The following LAMA2 variants were observed in gnomAD, a reference collection of about 807,000 sequenced individuals.
The protein encoded by LAMA2 is laminin subunit alpha 2, also known as laminin subunit alpha-2.
In LAMA2, 269 loss-of-function variants were observed where a neutral mutation model predicts 364.8. The ratio of observed to expected loss-of-function variants is 0.74; its 90% confidence interval spans 0.67 to 0.82. The LOEUF (loss-of-function observed/expected upper bound fraction) is 0.82, where lower values mean the gene tolerates loss of function less well. Ranked by LOEUF, LAMA2 falls within the 40% of genes least tolerant of loss-of-function variation. The pLI, the probability that LAMA2 is intolerant of heterozygous loss-of-function variation, is 0.00. For missense variants in LAMA2, 3,807 were observed against 3,873.2 expected, an observed-to-expected ratio of 0.98 and a Z score of 0.45; for synonymous variants, 1,379 against 1,370.6, an observed-to-expected ratio of 1.01 and a Z score of -0.14.
intron 27 of LAMA2, among the ~76,000 whole-genome samples, chr6:129,319,853 C>T (rs1400393623): frequency 1.3e-5 from 2 of 152,030 alleles, no homozygotes; most frequent in African/African-American, 4.8e-5. Flanking sequence ...GTAATAAGGG[C>T]TGGGCTCAGT....
chr6:129,133,877 C>A (rs1179748662), intron 4 of LAMA2, among the ~76,000 whole-genome samples: 1 of 152,082 alleles, frequency 6.6e-6, no homozygotes, highest in African/African-American at 2.4e-5. Flanking sequence ...AACACACACA[C>A]ACACACGCGC....
intron 41 of LAMA2, among the ~76,000 whole-genome samples, chr6:129,432,287 C>T (rs1015055962): frequency 6.6e-6 from 1 of 152,136 alleles, no homozygotes; most frequent in African/African-American, 2.4e-5. Context: ...CCAGGGTGGA[C>T]TTCCATTAGA....
At chr6:129,112,621 G>A (rs762766290) in intron 4 of LAMA2, among the ~76,000 whole-genome samples, 8 of 151,848 alleles carry the variant, frequency 5.3e-5, no homozygotes, top group Non-Finnish European at 1.0e-4. Context: ...TGTCTTAGGT[G>A]CAGGGGATAA....
chr6:129,053,097 A>C (rs1788202347), intron 2 of LAMA2, among the ~76,000 whole-genome samples: 2 of 152,200 alleles, frequency 1.3e-5, no homozygotes, highest in South Asian at 4.2e-4. Context: ...TTTTATTTTG[A>C]GACGGAGTTT....
intron 4 of LAMA2, among the ~76,000 whole-genome samples, chr6:129,099,915 G>C (rs1459659143): frequency 6.6e-6 from 1 of 152,132 alleles, no homozygotes; most frequent in East Asian, 1.9e-4. Context: ...TCCAATTCCT[G>C]GCCAGTTTGG....
chr6:128,883,797 TATATAC>T (rs1464620300), intron 1 of LAMA2, among the ~76,000 whole-genome samples: 10 of 133,712 alleles, frequency 7.5e-5, no homozygotes, highest in African/African-American at 3.2e-4. Context: ...TATATATATA[TATATAC>T]ACACACACAC....
chr6:129,502,613 A>G, intron 58 of LAMA2, 46 bp from the exon 59 acceptor site: 2 of 1,180,370 alleles, frequency 1.7e-6, no homozygotes, highest in Non-Finnish European at 1.3e-6. Flanking sequence ...ACCTTTTTAA[A>G]GAACAGTCCA....
chr6:129,131,648 A>G (rs1326322048), intron 4 of LAMA2, among the ~76,000 whole-genome samples: 2 of 152,220 alleles, frequency 1.3e-5, no homozygotes, highest in Non-Finnish European at 2.9e-5. Flanking sequence ...GTCGAGGTGC[A>G]CAGAGCCAAC....
chr6:128,955,922 T>C (rs1243884756), intron 1 of LAMA2, among the ~76,000 whole-genome samples: 1 of 151,944 alleles, frequency 6.6e-6, no homozygotes, highest in East Asian at 1.9e-4. Context: ...TAGACTATAG[T>C]ATGCAAAAAC....
intron 22 of LAMA2, among the ~76,000 whole-genome samples, chr6:129,311,992 C>T (rs1214144363): frequency 6.6e-6 from 1 of 151,902 alleles, no homozygotes; most frequent in East Asian, 1.9e-4. Context: ...GCAGAGAGAA[C>T]AGAGTGATGT....
At chr6:129,262,911 T>A (rs998399542) in intron 15 of LAMA2, among the ~76,000 whole-genome samples, 11 of 152,288 alleles carry the variant, frequency 7.2e-5, no homozygotes, top group African/African-American at 2.6e-4. Flanking sequence ...CTCTTTTACT[T>A]CATTTGGGGC....
At chr6:129,366,814 G>A (rs912958878) in intron 33 of LAMA2, among the ~76,000 whole-genome samples, 9 of 152,316 alleles carry the variant, frequency 5.9e-5, no homozygotes, top group East Asian at 3.9e-4. Context: ...CACCAGAGAT[G>A]ATGTGGTAAC....
intron 40 of LAMA2, among the ~76,000 whole-genome samples, chr6:129,412,059 GA>G (rs148285138): frequency 4.0e-5 from 6 of 151,846 alleles, no homozygotes; most frequent in South Asian, 2.1e-4. Flanking sequence ...ATTAAACATT[GA>G]AAAAAAATCT....
intron 55 of LAMA2, 94 bp downstream of exon 55, chr6:129,481,533 C>T: frequency 9.5e-7 from 1 of 1,048,012 alleles, no homozygotes; most frequent in Non-Finnish European, 1.5e-6. Flanking sequence ...TCATTTATTT[C>T]TGCTCTCATC....
intron 1 of LAMA2, among the ~76,000 whole-genome samples, chr6:128,944,914 C>T (rs554380238): frequency 6.2e-4 from 94 of 152,198 alleles, no homozygotes; most frequent in African/African-American, 2.1e-3. Flanking sequence ...AGAAATCAGC[C>T]CCTATTCTCC....
chr6:129,097,290 T>A (rs138207270), intron 3 of LAMA2, among the ~76,000 whole-genome samples: 1 of 152,362 alleles, frequency 6.6e-6, no homozygotes, highest in African/African-American at 2.4e-5. Context: ...TAGAACATTG[T>A]ACATAAATGT....
intron 35 of LAMA2, among the ~76,000 whole-genome samples, chr6:129,389,953 C>T (rs1779229453): frequency 1.3e-5 from 2 of 152,102 alleles, no homozygotes; most frequent in East Asian, 3.9e-4. Flanking sequence ...GCTCTGCCTC[C>T]AAATACCATC....
intron 34 of LAMA2, among the ~76,000 whole-genome samples, chr6:129,372,109 T>C (rs1778122098): frequency 6.6e-6 from 1 of 152,154 alleles, no homozygotes; most frequent in Admixed American, 6.5e-5. Context: ...CCCACCAGAA[T>C]GGTACATTTA....
chr6:129,314,211 T>C (rs945283331), intron 23 of LAMA2, among the ~76,000 whole-genome samples: 2 of 151,960 alleles, frequency 1.3e-5, no homozygotes, highest in Non-Finnish European at 2.9e-5. Flanking sequence ...CAATCCTGGC[T>C]AACACGGTGA....
Sources: gnomAD v4.1 joint callset for allele counts (sites outside exome capture counted in the v4.1 genomes callset) on GRCh38, gnomAD v4.1.1 for gene constraint, MANE v1.5 for transcripts, NCBI Gene and HGNC (gene_info 2026-07-23, HGNC 2026-07-21) for gene names.